PDE3B: variants seen among roughly 807,000 people sequenced by gnomAD.
PDE3B encodes cGMP-inhibited 3',5'-cyclic phosphodiesterase 3B.
A neutral mutation model predicts 116.8 loss-of-function variants in PDE3B; 66 were observed. That is an observed-to-expected ratio of 0.56 (90% CI 0.46 to 0.69). The LOEUF is 0.69. Among genes scored for constraint, PDE3B ranks in the 30% least tolerant of loss-of-function variants. The probability of loss-of-function intolerance (pLI) is 0.00; values close to 1 mark genes in which losing one functional copy is unlikely to be tolerated. For missense variants in PDE3B, 1,384 were observed against 1,368.1 expected (o/e 1.01, Z -0.18); for synonymous variants, 595 against 533.6 (o/e 1.12, Z -1.59).
intron 1 of PDE3B, among the ~76,000 whole-genome samples, chr11:14,707,966 C>T (rs1855580358): frequency 6.6e-6 from 1 of 152,034 alleles, no homozygotes; most frequent in Admixed American, 6.6e-5. Flanking sequence ...AGAAGCATCC[C>T]TTGGAAGGTA....
chr11:14,879,466 G>A, the PDE3B span: 2 of 1,559,292 alleles, frequency 1.3e-6, no homozygotes, highest in Non-Finnish European at 1.7e-6. Flanking sequence ...AAGTATTCAA[G>A]TTATTATGCA....
chr11:14,740,152 A>G (rs1470421092), intron 1 of PDE3B, among the ~76,000 whole-genome samples: 3 of 151,960 alleles, frequency 2.0e-5, no homozygotes, highest in East Asian at 1.9e-4. Context: ...TTTTCTATTG[A>G]TTGGAATAGT....
chr11:14,811,096 A>C (rs1482576508), intron 5 of PDE3B, among the ~76,000 whole-genome samples: 3 of 151,984 alleles, frequency 2.0e-5, no homozygotes, highest in Non-Finnish European at 4.4e-5. Flanking sequence ...AGGTTGTGAA[A>C]ATTTTCTCCC....
chr11:14,653,456 T>G (rs1450359618), intron 1 of PDE3B, among the ~76,000 whole-genome samples: 1 of 151,814 alleles, frequency 6.6e-6, no homozygotes, highest in African/African-American at 2.4e-5. Context: ...ACATCCGCCC[T>G]CGGGAGGCTG....
rs782392876 is a variant in PDE3B, at chr11:14,869,711, G to T, written c.*51G>T. The T allele has an allele frequency of 6.7e-7, 1 of 1,490,198 alleles. No homozygotes were observed. The highest frequency in any genetic ancestry group is 1.2e-5 in the South Asian group (1 of 86,768). The allele number at this position is 1,490,198 out of a possible 1,614,324, so 92.3% of individuals were successfully genotyped here. On this transcript the variant is annotated 3_prime_UTR_variant, in exon 16 of 16. Transcript: ENST00000282096. ...ATATTGAAGAAGCCCAGAGGGTTGT[G>T]CCCAGGGGCAGAAATCATTGCCTAG... is the stretch of plus-strand genomic sequence containing the variant.
chr11:14,672,206 G>A (rs1216371749), intron 1 of PDE3B, among the ~76,000 whole-genome samples: 2 of 151,398 alleles, frequency 1.3e-5, no homozygotes, highest in African/African-American at 2.4e-5. Flanking sequence ...ATTATTTTAG[G>A]TAGCATTATA....
intron 5 of PDE3B, among the ~76,000 whole-genome samples, chr11:14,807,531 G>A (rs1280341380): frequency 1.3e-5 from 2 of 151,768 alleles, no homozygotes; most frequent in African/African-American, 4.8e-5. Context: ...AGGTAAAATG[G>A]CATGATTAAA....
the PDE3B span, among the ~76,000 whole-genome samples, chr11:14,878,723 T>G: frequency 6.6e-6 from 1 of 152,092 alleles, no homozygotes; most frequent in Non-Finnish European, 1.5e-5. Flanking sequence ...AGAAGCAATA[T>G]TTTCCTAATT....
rs1395197419 is a variant in PDE3B, at chr11:14,644,709, C to T, written c.634C>T (p.His212Tyr). Reference protein sequence around the residue: ...SCVGLLLTLAHPLRLRHCVLV... With the variant: ...SCVGLLLTLAYPLRLRHCVLV... ...CGTAGGGCTGCTGCTGACGCTCGCGCACCCGCTGCGGCTCCGGCACTGCGT... is the reference window on the plus strand; with the variant it reads ...CGTAGGGCTGCTGCTGACGCTCGCGTACCCGCTGCGGCTCCGGCACTGCGT... The change falls in exon 1 of 16, where the codon CAC becomes TAC. Residue 212 changes from histidine to tyrosine, a missense_variant. Physicochemically the swap from His to Tyr is moderately conservative, Grantham distance 83. This residue lies in a region of PDE3B where 956 missense variants were observed against 806.8 expected (regional missense o/e 1.18). Coordinates refer to ENST00000282096, the MANE Select transcript of PDE3B (RefSeq NM_000922.4). The T allele has an allele frequency of 3.9e-6, 6 of 1,529,794 alleles. No homozygotes were observed. The South Asian group carries it at 7.4e-5, about 19-fold the overall frequency. The allele number at this position is 1,529,794 out of a possible 1,614,324, so 94.8% of individuals were successfully genotyped here.
chr11:14,668,502 A>T (rs766376409), intron 1 of PDE3B, among the ~76,000 whole-genome samples: 14 of 152,190 alleles, frequency 9.2e-5, no homozygotes, highest in Non-Finnish European at 2.1e-4. Flanking sequence ...TTTTAAGTAC[A>T]AATATATTTG....
intron 6 of PDE3B, among the ~76,000 whole-genome samples, chr11:14,818,810 C>T (rs1428020305): frequency 6.6e-6 from 1 of 152,016 alleles, no homozygotes; most frequent in East Asian, 1.9e-4. Flanking sequence ...ATCCTAAGAT[C>T]TTAGTAAATA....
At chr11:14,750,472 A>G (rs532568632) in intron 1 of PDE3B, among the ~76,000 whole-genome samples, 1 of 152,206 alleles carries the variant, frequency 6.6e-6, no homozygotes, top group Admixed American at 6.5e-5. Flanking sequence ...TATATCCACT[A>G]TAGTTGTTGC....
At chr11:14,713,587 C>A (rs1416589183) in intron 1 of PDE3B, among the ~76,000 whole-genome samples, 1 of 152,126 alleles carries the variant, frequency 6.6e-6, no homozygotes, top group Non-Finnish European at 1.5e-5. Context: ...ATGCTTCAGA[C>A]TTGGACTGAA....
At chr11:14,789,345 A>T (rs551148120) in intron 4 of PDE3B, 103 bp downstream of exon 4, 3 of 867,794 alleles carry the variant, frequency 3.5e-6, no homozygotes, top group East Asian at 5.1e-5. Flanking sequence ...GAATGGTTGA[A>T]GTATTTTAGG....
chr11:14,721,720 A>G (rs1460871920), intron 1 of PDE3B, among the ~76,000 whole-genome samples: 1 of 88,298 alleles, frequency 1.1e-5, no homozygotes, highest in Non-Finnish European at 2.2e-5. Flanking sequence ...TGGGAATTGA[A>G]CAATGAGATC....
chr11:14,839,433 C>G (rs1860154489), intron 11 of PDE3B, among the ~76,000 whole-genome samples: 1 of 152,152 alleles, frequency 6.6e-6, no homozygotes, highest in Non-Finnish European at 1.5e-5. Context: ...CATTGCTGTT[C>G]AACTTAATTA....
intron 5 of PDE3B, among the ~76,000 whole-genome samples, chr11:14,808,883 A>G (rs1859034953): frequency 6.6e-6 from 1 of 152,198 alleles, no homozygotes; most frequent in Non-Finnish European, 1.5e-5. Context: ...ATTGGAAGAC[A>G]TTCCACGTTT....
At chr11:14,891,935 G>C in the PDE3B span, 1 of 1,596,224 alleles carries the variant, frequency 6.3e-7, no homozygotes, top group East Asian at 2.3e-5. Context: ...GGCCAGCCCG[G>C]GCCAGCCTGG....
At chr11:14,792,084 T>G (rs949884064) in intron 4 of PDE3B, among the ~76,000 whole-genome samples, 2 of 152,142 alleles carry the variant, frequency 1.3e-5, no homozygotes, top group African/African-American at 4.8e-5. Flanking sequence ...CATTGCATTT[T>G]TGGACTCTTT....
Sources: allele counts gnomAD v4.1 joint callset (sites outside exome capture counted in the v4.1 genomes callset), GRCh38; gene constraint gnomAD v4.1.1; regional missense constraint gnomAD v4.1.1; transcripts MANE v1.5; gene names NCBI Gene and HGNC (gene_info 2026-07-23, HGNC 2026-07-21).